CSMD1: variants seen among roughly 807,000 people sequenced by gnomAD.
The protein encoded by CSMD1 is CUB and Sushi multiple domains 1.
Under a neutral mutation model 417.5 loss-of-function variants are expected in CSMD1, and 213 were observed. The observed-to-expected ratio is 0.51, with a 90% CI of 0.46 to 0.57. The LOEUF (loss-of-function observed/expected upper bound fraction) is 0.57. Among genes scored for constraint, CSMD1 ranks in the 20% least tolerant of loss-of-function variants. The pLI is 0.00. For synonymous variants in CSMD1, 2,862 were observed against 1,736.8 expected, an observed-to-expected ratio of 1.65 and a Z score of -16.11; for missense variants, 6,923 against 4,529.7, an observed-to-expected ratio of 1.53 and a Z score of -15.17.
At chr8:3,966,448 AT>A (rs1411997844) in intron 5 of CSMD1, among the ~76,000 whole-genome samples, 1 of 152,064 alleles carries the variant, frequency 6.6e-6, no homozygotes, top group Non-Finnish European at 1.5e-5. Context: ...ACCTACATAT[AT>A]TTTTTATAGA....
intron 4 of CSMD1, among the ~76,000 whole-genome samples, chr8:4,019,708 A>T (rs774673954): frequency 4.6e-5 from 7 of 152,114 alleles, no homozygotes; most frequent in Non-Finnish European, 8.8e-5. Flanking sequence ...TCAGTTATTT[A>T]CATGCACGTG....
At chr8:4,513,935 C>A (rs925265919) in intron 2 of CSMD1, among the ~76,000 whole-genome samples, 2 of 152,098 alleles carry the variant, frequency 1.3e-5, no homozygotes, top group Non-Finnish European at 2.9e-5. Context: ...TTTCTCAAAC[C>A]TGAGTGATCC....
chr8:3,636,549 G>A (rs1290771429), intron 7 of CSMD1, among the ~76,000 whole-genome samples: 4 of 152,196 alleles, frequency 2.6e-5, no homozygotes, highest in African/African-American at 9.7e-5. Flanking sequence ...ATCTGTTCCT[G>A]AGGAATGTAC....
intron 5 of CSMD1, among the ~76,000 whole-genome samples, chr8:3,825,401 C>A (rs1801997408): frequency 6.6e-6 from 1 of 152,034 alleles, no homozygotes. Flanking sequence ...TGGTGGTAGG[C>A]ACCTGTAATC....
intron 4 of CSMD1, among the ~76,000 whole-genome samples, chr8:4,030,950 C>T (rs1297495821): frequency 1.1e-4 from 16 of 152,164 alleles, no homozygotes; most frequent in African/African-American, 2.4e-4. Flanking sequence ...TTTGCTAAAA[C>T]GTAACAAGAA....
At chr8:4,787,237 C>T (rs1797450012) in intron 1 of CSMD1, 2 of 509,450 alleles carry the variant, frequency 3.9e-6, no homozygotes, top group East Asian at 3.7e-5. Context: ...GGCCGCGCCT[C>T]CTTCCCCGCC....
At chr8:4,220,062 G>A (rs758360763) in intron 3 of CSMD1, among the ~76,000 whole-genome samples, 4 of 152,228 alleles carry the variant, frequency 2.6e-5, no homozygotes, top group African/African-American at 7.2e-5. Flanking sequence ...CAATTCTCGT[G>A]CCTCAGCCTC....
intron 3 of CSMD1, among the ~76,000 whole-genome samples, chr8:4,417,159 A>T (rs1451501604): frequency 6.6e-6 from 1 of 152,034 alleles, no homozygotes; most frequent in Non-Finnish European, 1.5e-5. Context: ...CTATATTCAG[A>T]AAGTCAAATA....
At chr8:3,215,628 T>A (rs1264262285) in intron 29 of CSMD1, among the ~76,000 whole-genome samples, 2 of 152,224 alleles carry the variant, frequency 1.3e-5, no homozygotes, top group Non-Finnish European at 2.9e-5. Context: ...TACAAAACCT[T>A]TTTTCTTCAG....
chr8:4,947,447 A>G (rs1264846896), intron 1 of CSMD1, among the ~76,000 whole-genome samples: 3 of 152,284 alleles, frequency 2.0e-5, no homozygotes, highest in South Asian at 2.1e-4. Context: ...AGAAATGTCA[A>G]TATTTGACTT....
At chr8:4,937,515 A>C (rs1807702477) in intron 1 of CSMD1, among the ~76,000 whole-genome samples, 1 of 151,904 alleles carries the variant, frequency 6.6e-6, no homozygotes, top group Non-Finnish European at 1.5e-5. Context: ...GAATGGTGAC[A>C]AAAAAAACAA....
chr8:3,796,058 AT>A lies in CSMD1; in HGVS notation c.819-42017del, dbSNP rs1273055958. ...AGATATATATCTATCATAGATATAG[AT>A]ATATATCTATCATAGATATAGATAT... is the stretch of plus-strand genomic sequence containing the variant. On this transcript the variant is annotated intron_variant, in intron 5 of 69. Transcript: ENST00000635120. Among the ~76,000 whole-genome samples, 4 of 52,596 alleles carry A rather than the reference AT, an allele frequency of 7.6e-5. 1 individual carries two copies. The highest frequency in any genetic ancestry group is 1.7e-4 in the Non-Finnish European group (4 of 23,992). 34.5% of individuals were successfully genotyped at this position (52,596 alleles called of 152,430 possible). A position where few individuals can be genotyped will look rare whatever the true frequency, so the allele number is the denominator to read the frequency against.
intron 10 of CSMD1, among the ~76,000 whole-genome samples, chr8:3,507,574 C>G (rs539543807): frequency 1.3e-5 from 2 of 152,240 alleles, no homozygotes; most frequent in African/African-American, 4.8e-5. Flanking sequence ...CCTGAGGAAT[C>G]GCCACACTGA....
chr8:3,988,404 T>C (rs1337697748), intron 5 of CSMD1, among the ~76,000 whole-genome samples: 1 of 152,214 alleles, frequency 6.6e-6, no homozygotes, highest in Non-Finnish European at 1.5e-5. Context: ...GATAATTAGT[T>C]ATGGTTTTAG....
chr8:4,808,247 T>C (rs770821700), intron 1 of CSMD1, among the ~76,000 whole-genome samples: 1 of 152,172 alleles, frequency 6.6e-6, no homozygotes, highest in African/African-American at 2.4e-5. Context: ...TTAGGAACGA[T>C]GATCAGAGCA....
chr8:3,548,771 T>G (rs938778035), intron 10 of CSMD1, among the ~76,000 whole-genome samples: 3 of 151,684 alleles, frequency 2.0e-5, no homozygotes, highest in Admixed American at 2.0e-4. Context: ...CCCGGCCAAG[T>G]TGTTTTCATG....
intron 6 of CSMD1, among the ~76,000 whole-genome samples, chr8:3,710,875 G>C (rs914481195): frequency 6.6e-6 from 1 of 152,050 alleles, no homozygotes; most frequent in African/African-American, 2.4e-5. Context: ...TTTCCACGTG[G>C]GCTACTGGCT....
Position 4,163,632 on chromosome 8 carries a change from C to A in CSMD1, c.416-131533G>T, listed in dbSNP as rs565531718. 2.4e-4 allele frequency among the ~76,000 whole-genome samples: 36 copies of A among 152,194 alleles called. 1 individual carries two copies. Among genetic ancestry groups the A allele is most frequent in the Non-Finnish European group, 2.9e-5 (2 of 67,996 alleles). ...TTTTCAAAACTCTGTTGACTATCTA[C>A]ATATGGTAAGTGGAGTAAAATTCAA... is the stretch of plus-strand genomic sequence containing the variant. On this transcript the variant is annotated intron_variant, in intron 3 of 69. Transcript: ENST00000635120.
At chr8:3,429,676 C>A (rs572594484) in intron 12 of CSMD1, among the ~76,000 whole-genome samples, 7 of 152,280 alleles carry the variant, frequency 4.6e-5, no homozygotes, top group Non-Finnish European at 1.0e-4. Flanking sequence ...TGAATATCTG[C>A]ATTTCTTGTG....
Sources: allele counts gnomAD v4.1 joint callset (sites outside exome capture counted in the v4.1 genomes callset), GRCh38; gene constraint gnomAD v4.1.1; transcripts MANE v1.5; gene names NCBI Gene and HGNC (gene_info 2026-07-23, HGNC 2026-07-21).